TTC27: variants seen among roughly 807,000 people sequenced by gnomAD.
TTC27 encodes the protein tetratricopeptide repeat domain 27, also known as tetratricopeptide repeat protein 27.
A neutral mutation model predicts 115.9 loss-of-function variants in TTC27; 79 were observed. The ratio of observed to expected loss-of-function variants is 0.68; its 90% CI spans 0.57 to 0.82. The LOEUF is 0.82. TTC27 is among the 40% of genes least tolerant of loss of function. TTC27 has a pLI of 0.00. For missense variants in TTC27, 1,054 were observed against 993.1 expected, an observed-to-expected ratio of 1.06 and a Z score of -0.82; for synonymous variants, 401 against 356.0, an observed-to-expected ratio of 1.13 and a Z score of -1.42.
intron 16 of TTC27, among the ~76,000 whole-genome samples, chr2:32,793,874 GACTAAT>G (rs1670617682): frequency 6.6e-6 from 1 of 151,944 alleles, no homozygotes; most frequent in African/African-American, 2.4e-5. Flanking sequence ...TGATTTAAGA[GACTAAT>G]ACATTAAAAA....
At position 32,695,459 on chromosome 2, in the gene TTC27, G is replaced by C. The variant is rs528147268; in HGVS notation, c.1120-7348G>C. Among the ~76,000 whole-genome samples the C allele has an allele frequency of 1.5e-3, 224 of 151,886 alleles. 1 individual carries two copies. Among genetic ancestry groups the C allele is most frequent in the African/African-American group, 5.1e-3 (211 of 41,420 alleles). Reference sequence around the variant, plus strand: ...AATTAGGCCAGGCACGGTGGCTCACGCCTGTAATCTCAGTGCTTTGGGAGA... The same window carrying C: ...AATTAGGCCAGGCACGGTGGCTCACCCCTGTAATCTCAGTGCTTTGGGAGA... On this transcript the variant is annotated intron_variant, in intron 9 of 19. Coordinates refer to ENST00000317907, the MANE Select transcript of TTC27 (RefSeq NM_017735.5).
chr2:32,636,183 G>A (rs1664416877), intron 3 of TTC27, among the ~76,000 whole-genome samples: 1 of 152,094 alleles, frequency 6.6e-6, no homozygotes, highest in South Asian at 2.1e-4. Flanking sequence ...CCTGAACACT[G>A]ATGTGTGGTT....
intron 10 of TTC27, among the ~76,000 whole-genome samples, chr2:32,719,025 AG>A (rs1667839718): frequency 6.6e-6 from 1 of 152,220 alleles, no homozygotes; most frequent in Admixed American, 6.5e-5. Flanking sequence ...AGGCATCCAG[AG>A]GAGCTGGTAG....
intron 4 of TTC27, among the ~76,000 whole-genome samples, chr2:32,649,772 C>A (rs984590720): frequency 6.6e-6 from 1 of 152,072 alleles, no homozygotes; most frequent in Non-Finnish European, 1.5e-5. Flanking sequence ...TCTTGAACTC[C>A]TGACCTTGTG....
rs1572487356 is a variant in TTC27, at chr2:32,661,067, T to G, written c.641-3236T>G. On this transcript the variant is annotated intron_variant, in intron 5 of 19. Coordinates refer to ENST00000317907, the MANE Select transcript of TTC27 (RefSeq NM_017735.5). ...TTGTTTTTGTCATGTTTGTCAAAGA[T>G]CAAATGATTGTAGATGTTTGGCGTT... Among the ~76,000 whole-genome samples, 2 of 152,322 alleles carry G rather than the reference T, an allele frequency of 1.3e-5. 1 individual carries two copies. The highest frequency in any genetic ancestry group is 4.1e-4 in the South Asian group (2 of 4,828).
chr2:32,704,729 A>G (rs963753755), intron 10 of TTC27: 1 of 381,744 alleles, frequency 2.6e-6, no homozygotes, highest in Non-Finnish European at 5.4e-6. Flanking sequence ...ATGCTTTTGA[A>G]GATTATGGGC....
At chr2:32,705,019 C>T in intron 10 of TTC27, 2 of 433,676 alleles carry the variant, frequency 4.6e-6, no homozygotes, top group Non-Finnish European at 9.6e-6. Context: ...AGTATTTGTT[C>T]CCTCCGTATC....
Position 32,782,329 on chromosome 2 carries a change from A to C in TTC27, c.1780-297A>C, listed in dbSNP as rs116010473. 9.2e-3 allele frequency among the ~76,000 whole-genome samples: 1,409 copies of C among 152,332 alleles called. 12 individuals are homozygous for C. The highest frequency in any genetic ancestry group is 0.024 in the Middle Eastern group (7 of 294). ...CTTTTTTGTAATAAATCTATGTACT[A>C]TATAGAGTATGTTGTATTAGTTATT... On this transcript the variant is annotated intron_variant, in intron 14 of 19. Transcript: ENST00000317907.
chr2:32,815,793 C>G (rs1331300898), intron 18 of TTC27, among the ~76,000 whole-genome samples: 1 of 152,206 alleles, frequency 6.6e-6, no homozygotes, highest in African/African-American at 2.4e-5. Flanking sequence ...TCCCCGCTAT[C>G]TCTGGGCTAA....
chr2:32,812,094 A>G (rs1671335726), intron 17 of TTC27, among the ~76,000 whole-genome samples: 1 of 152,192 alleles, frequency 6.6e-6, no homozygotes, highest in Non-Finnish European at 1.5e-5. Flanking sequence ...CTTCTCCCTC[A>G]AGGATTTGAA....
intron 7 of TTC27, among the ~76,000 whole-genome samples, chr2:32,669,486 A>G (rs1200756000): frequency 6.6e-6 from 1 of 152,232 alleles, no homozygotes; most frequent in Non-Finnish European, 1.5e-5. Flanking sequence ...TAAACACATT[A>G]TTAGATTGTA....
chr2:32,723,756 T>A (rs1668015324), intron 10 of TTC27, among the ~76,000 whole-genome samples: 1 of 115,184 alleles, frequency 8.7e-6, no homozygotes, highest in Non-Finnish European at 1.7e-5. Context: ...CCTTCCTTCC[T>A]TCCTTCCTTC....
intron 4 of TTC27, among the ~76,000 whole-genome samples, chr2:32,641,807 T>C (rs1664660344): frequency 6.6e-6 from 1 of 152,146 alleles, no homozygotes; most frequent in African/African-American, 2.4e-5. Flanking sequence ...GCCTCCCAAG[T>C]AGCTGGGATT....
intron 8 of TTC27, among the ~76,000 whole-genome samples, chr2:32,677,272 C>G (rs907711180): frequency 6.6e-6 from 1 of 151,880 alleles, no homozygotes; most frequent in African/African-American, 2.4e-5. Context: ...AACAATTTGT[C>G]GTTTTCCTTT....
chr2:32,805,284 T>C (rs1572630315), intron 16 of TTC27, among the ~76,000 whole-genome samples: 2 of 152,316 alleles, frequency 1.3e-5, no homozygotes, highest in South Asian at 4.1e-4. Flanking sequence ...ATGTGGCACA[T>C]AGGAAGGGCT....
rs535436342 is a variant in TTC27, at chr2:32,628,314, A to G, written c.22A>G (p.Ile8Val). ...GGTGATGTGGACCCCGGAGCTGGCAATTCTGAGGGGATTCCCCACTGAGGC... is the reference window on the plus strand; with the variant it reads ...GGTGATGTGGACCCCGGAGCTGGCAGTTCTGAGGGGATTCCCCACTGAGGC... MWTPELA[I>V]LRGFPTEAER... Residue 8 changes from isoleucine (I) to valine (V), a missense_variant, in exon 1 of 20, where the codon ATT becomes GTT. Transcript: ENST00000317907. The G allele has an allele frequency of 1.2e-6, 2 of 1,607,378 alleles. No homozygotes were observed. The highest frequency in any genetic ancestry group is 3.4e-5 in the Admixed American group (2 of 58,680).
At chr2:32,788,973 A>C (rs1417454993) in intron 16 of TTC27, among the ~76,000 whole-genome samples, 1 of 152,152 alleles carries the variant, frequency 6.6e-6, no homozygotes, top group African/African-American at 2.4e-5. Context: ...TATCCTAAGC[A>C]CTTCACATGT....
At chr2:32,654,067 A>T (rs1665231496) in intron 5 of TTC27, among the ~76,000 whole-genome samples, 1 of 152,186 alleles carries the variant, frequency 6.6e-6, no homozygotes, top group Non-Finnish European at 1.5e-5. Context: ...CCTAATCTGA[A>T]ATCTTTAGTT....
intron 9 of TTC27, among the ~76,000 whole-genome samples, chr2:32,685,962 C>T (rs951617551): frequency 6.6e-6 from 1 of 152,118 alleles, no homozygotes; most frequent in Non-Finnish European, 1.5e-5. Context: ...TAGAAAAACT[C>T]TTAAGAATGA....
Sources: gnomAD v4.1 joint callset for allele counts (sites outside exome capture counted in the v4.1 genomes callset) on GRCh38, gnomAD v4.1.1 for gene constraint, MANE v1.5 for transcripts, NCBI Gene and HGNC (gene_info 2026-07-23, HGNC 2026-07-21) for gene names.